LRP1B: variants seen among roughly 807,000 people sequenced by gnomAD.
LRP1B encodes the protein low-density lipoprotein receptor-related protein 1B.
A neutral mutation model predicts 556.6 loss-of-function variants in LRP1B; 217 were observed. The ratio of observed to expected loss-of-function variants is 0.39; its 90% CI spans 0.35 to 0.44. LRP1B has a LOEUF of 0.44. Among genes scored for constraint, LRP1B ranks in the 20% least tolerant of loss-of-function variants. The pLI is 1.00. For missense variants in LRP1B, 5,053 were observed against 5,620.8 expected (o/e 0.90, Z 3.23); for synonymous variants, 2,047 against 1,865.8 (o/e 1.10, Z -2.50).
rs559060405 is a variant in LRP1B, at chr2:141,226,117, T to C, written c.850+3066A>G. Among the ~76,000 whole-genome samples, 1,144 of 131,512 alleles carry C rather than the reference T, an allele frequency of 8.7e-3. 11 individuals are homozygous for C. Among genetic ancestry groups the C allele is most frequent in the African/African-American group, 0.02 (811 of 39,598 alleles). The allele number at this position is 131,512 out of a possible 152,430, so 86.3% of individuals were successfully genotyped here. A position where few individuals can be genotyped will look rare whatever the true frequency, so the allele number is the denominator to read the frequency against. On this transcript the variant is annotated intron_variant, in intron 6 of 90. Transcript: ENST00000389484. ...ATCTAACTGCTCAGAGTCTCAATTT[T>C]CCCCCCCAAAAAAAACCAAAAGAAT... is the stretch of plus-strand genomic sequence containing the variant.
At chr2:140,534,484 A>G (rs1230239879) in intron 46 of LRP1B, among the ~76,000 whole-genome samples, 1 of 152,198 alleles carries the variant, frequency 6.6e-6, no homozygotes, top group Non-Finnish European at 1.5e-5. Context: ...ACTCAAATGT[A>G]ACAAAAACAC....
intron 32 of LRP1B, among the ~76,000 whole-genome samples, chr2:140,781,213 C>T (rs1353672405): frequency 2.6e-5 from 4 of 152,180 alleles, no homozygotes; most frequent in African/African-American, 4.8e-5. Flanking sequence ...ACCATTAGGA[C>T]TCAGACAACA....
At chr2:140,526,206 T>C in intron 48 of LRP1B, 31 bp downstream of exon 48, 1 of 1,592,592 alleles carries the variant, frequency 6.3e-7, no homozygotes, top group South Asian at 1.1e-5. Flanking sequence ...TGCCCAAGCA[T>C]AAACAGACAA....
At chr2:141,421,826 C>A (rs1235919248) in intron 3 of LRP1B, among the ~76,000 whole-genome samples, 1 of 152,120 alleles carries the variant, frequency 6.6e-6, no homozygotes, top group African/African-American at 2.4e-5. Context: ...CTGAACGTAC[C>A]AATGATCTCA....
At chr2:141,519,970 A>T (rs1399989615) in intron 2 of LRP1B, among the ~76,000 whole-genome samples, 1 of 152,160 alleles carries the variant, frequency 6.6e-6, no homozygotes, top group African/African-American at 2.4e-5. Context: ...TAAGTAAAAT[A>T]TAAGTGTATA....
At chr2:141,822,114 C>CAT (rs1220162057) in intron 1 of LRP1B, among the ~76,000 whole-genome samples, 1 of 111,558 alleles carries the variant, frequency 9.0e-6, no homozygotes, top group African/African-American at 4.2e-5. Context: ...CACACACACA[C>CAT]ACACACACAC....
intron 3 of LRP1B, among the ~76,000 whole-genome samples, chr2:141,323,784 C>A (rs978567057): frequency 1.3e-5 from 2 of 151,874 alleles, no homozygotes; most frequent in Admixed American, 1.3e-4. Flanking sequence ...TAACTTCTTC[C>A]CAACCTTTCC....
intron 1 of LRP1B, among the ~76,000 whole-genome samples, chr2:141,853,023 A>G (rs546427443): frequency 6.6e-6 from 1 of 151,816 alleles, no homozygotes; most frequent in Non-Finnish European, 1.5e-5. Context: ...AACAATATCT[A>G]TAGGCTGCTT....
intron 57 of LRP1B, among the ~76,000 whole-genome samples, chr2:140,488,081 A>G (rs957726316): frequency 2.0e-5 from 3 of 151,990 alleles, no homozygotes; most frequent in African/African-American, 7.2e-5. Flanking sequence ...TTAATATGAA[A>G]TATAAACTTT....
At chr2:140,311,511 G>A (rs1359067907) in intron 83 of LRP1B, among the ~76,000 whole-genome samples, 2 of 151,770 alleles carry the variant, frequency 1.3e-5, no homozygotes, top group African/African-American at 2.4e-5. Context: ...AATAGACATT[G>A]GAGAAGTGGA....
rs1681939360 is a variant in LRP1B at position 140,585,240 on chromosome 2, TC to T, written c.7194+13390del. Among the ~76,000 whole-genome samples the T allele has an allele frequency of 3.3e-5, 5 of 152,116 alleles. No homozygotes were observed. In the South Asian group the frequency reaches 1.0e-3, roughly 32 times the overall value. On this transcript the variant is annotated intron_variant, in intron 43 of 90. Transcript: ENST00000389484. The stretch of plus-strand genomic sequence containing the variant: ...GATTTACAAGAATTAACGTTTTAAC[TC>T]CTCAAAATGCATCCTATGAGGCATA...
intron 3 of LRP1B, among the ~76,000 whole-genome samples, chr2:141,273,798 G>A (rs1021766128): frequency 1.3e-5 from 2 of 152,152 alleles, no homozygotes; most frequent in African/African-American, 4.8e-5. Flanking sequence ...TTCATACAAT[G>A]CGAGAAAACA....
At chr2:141,060,588 T>C (rs1699307978) in intron 8 of LRP1B, among the ~76,000 whole-genome samples, 1 of 151,762 alleles carries the variant, frequency 6.6e-6, no homozygotes, top group African/African-American at 2.4e-5. Flanking sequence ...CCTGTGGTGA[T>C]GGGATATCAA....
intron 2 of LRP1B, among the ~76,000 whole-genome samples, chr2:141,610,567 TTTCTACCA>T (rs1688074181): frequency 6.6e-6 from 1 of 152,106 alleles, no homozygotes; most frequent in Non-Finnish European, 1.5e-5. Flanking sequence ...TCCCCTGCCC[TTTCTACCA>T]TAAGGTACCC....
At chr2:140,425,729 G>T (rs1021848580) in intron 66 of LRP1B, among the ~76,000 whole-genome samples, 4 of 152,112 alleles carry the variant, frequency 2.6e-5, no homozygotes, top group Admixed American at 2.0e-4. Context: ...TTCTGTCTGG[G>T]TGACTATGAG....
intron 2 of LRP1B, among the ~76,000 whole-genome samples, chr2:141,589,833 G>C (rs1316434775): frequency 6.6e-6 from 1 of 152,120 alleles, no homozygotes; most frequent in Non-Finnish European, 1.5e-5. Context: ...GTATGTTATG[G>C]AAACAAATTA....
chr2:141,710,828 T>G (rs1483049723), intron 2 of LRP1B, among the ~76,000 whole-genome samples: 2 of 152,192 alleles, frequency 1.3e-5, no homozygotes, highest in Non-Finnish European at 2.9e-5. Flanking sequence ...ATTCATTAAC[T>G]TGAGAGCTTA....
At chr2:142,076,746 T>C (rs1489350090) in intron 1 of LRP1B, among the ~76,000 whole-genome samples, 1 of 152,104 alleles carries the variant, frequency 6.6e-6, no homozygotes. Flanking sequence ...AAGAGGAGTC[T>C]TTGGAGGTCT....
intron 41 of LRP1B, among the ~76,000 whole-genome samples, chr2:140,604,213 T>C (rs1294062523): frequency 1.4e-5 from 2 of 145,750 alleles, no homozygotes; most frequent in East Asian, 4.0e-4. Context: ...TCTCCTTACC[T>C]CATGCACTTG....
Sources: gnomAD v4.1 joint callset for allele counts (sites outside exome capture counted in the v4.1 genomes callset) on GRCh38, gnomAD v4.1.1 for gene constraint, MANE v1.5 for transcripts, NCBI Gene and HGNC (gene_info 2026-07-23, HGNC 2026-07-21) for gene names.